The following ZNF609 variants were observed in gnomAD, a reference collection of about 807,000 sequenced individuals.
ZNF609 encodes zinc finger protein 609.
Under a neutral mutation model 109.5 loss-of-function variants are expected in ZNF609, and 11 were observed. The ratio of observed to expected loss-of-function variants is 0.10; its 90% CI spans 0.06 to 0.17. The LOEUF (loss-of-function observed/expected upper bound fraction) is 0.17. Ranked by LOEUF, ZNF609 falls within the 10% of genes least tolerant of loss-of-function variation. The pLI, the probability that ZNF609 is intolerant of heterozygous loss-of-function variation, is 1.00. For missense variants in ZNF609, 1,559 were observed against 1,772.4 expected (o/e 0.88, Z 2.16); for synonymous variants, 646 against 662.0 (o/e 0.98, Z 0.37).
chr15:64,630,098 C>CTT (rs773124227), intron 3 of ZNF609, among the ~76,000 whole-genome samples: 46 of 136,890 alleles, frequency 3.4e-4, no homozygotes, highest in Admixed American at 9.7e-4. Flanking sequence ...TTTCTTTTTT[C>CTT]TTTTTTTTTT....
intron 2 of ZNF609, among the ~76,000 whole-genome samples, chr15:64,606,585 A>G (rs1311894507): frequency 6.7e-6 from 1 of 150,356 alleles, no homozygotes; most frequent in African/African-American, 2.4e-5. Flanking sequence ...AAACAGAAAA[A>G]CTTTTTATAG....
intron 2 of ZNF609, among the ~76,000 whole-genome samples, chr15:64,536,921 A>G (rs1488030310): frequency 3.6e-5 from 5 of 140,192 alleles, no homozygotes; most frequent in South Asian, 2.2e-4. Flanking sequence ...AAAAAGAAAA[A>G]AAAAAAAAAA....
chr15:64,667,219 A>G (rs1896661725), intron 3 of ZNF609, among the ~76,000 whole-genome samples: 1 of 152,242 alleles, frequency 6.6e-6, no homozygotes, highest in Non-Finnish European at 1.5e-5. Context: ...CAGGATTTGC[A>G]CTGAGGTTTT....
chr15:64,529,675 G>A lies in ZNF609; in HGVS notation c.747+29509G>A, dbSNP rs1029468513. On this transcript the variant is annotated intron_variant, in intron 2 of 9. Coordinates refer to ENST00000326648, the MANE Select transcript of ZNF609 (RefSeq NM_015042.2). ...CTCTGACCTTCACCTTACCCATGGTGTCTCAGGGATGCAGCTGCCAATGCG... is the reference window on the plus strand; with the variant it reads ...CTCTGACCTTCACCTTACCCATGGTATCTCAGGGATGCAGCTGCCAATGCG... 7 of 736,278 alleles carry A rather than the reference G, an allele frequency of 9.5e-6. No homozygotes were observed. The Admixed American group carries it at 1.2e-4, about 13-fold the overall frequency. The allele number at this position is 736,278 out of a possible 1,614,324, so 45.6% of individuals were successfully genotyped here. A position where few individuals can be genotyped will look rare whatever the true frequency, so the allele number is the denominator to read the frequency against.
chr15:64,487,128 T>C (rs1893344583), intron 1 of ZNF609, among the ~76,000 whole-genome samples: 1 of 152,176 alleles, frequency 6.6e-6, no homozygotes, highest in African/African-American at 2.4e-5. Context: ...TTTTGATTTG[T>C]TTTTATATCC....
chr15:64,556,167 T>A (rs530160094), intron 2 of ZNF609, among the ~76,000 whole-genome samples: 1,616 of 151,850 alleles, frequency 0.011, 27 homozygotes, highest in African/African-American at 0.037. Flanking sequence ...TTTTTTTTTT[T>A]TTATTATTTG....
rs368567971 is a variant in ZNF609, at chr15:64,593,163, A to G, written c.748-29664A>G. 22 of 1,549,148 alleles carry G rather than the reference A, an allele frequency of 1.4e-5. No individual in the cohort carries two copies. In the African/African-American group the frequency reaches 1.8e-4, roughly 12 times the overall value. On this transcript the variant is annotated intron_variant, in intron 2 of 9. Coordinates refer to ENST00000326648, the MANE Select transcript of ZNF609 (RefSeq NM_015042.2). ...TCTGAAGCGAGCGTCTTCGATGCCT[A>G]TGTGCTTCCCAAGCTGTATGTGAAG...
chr15:64,536,786 C>T (rs1440076026), intron 2 of ZNF609, among the ~76,000 whole-genome samples: 1 of 151,134 alleles, frequency 6.6e-6, no homozygotes, highest in Admixed American at 6.6e-5. Context: ...GTCCCATTTA[C>T]TCAGTGCCAG....
intron 2 of ZNF609, among the ~76,000 whole-genome samples, chr15:64,521,353 G>T (rs967408876): frequency 1.3e-5 from 2 of 152,348 alleles, no homozygotes; most frequent in African/African-American, 4.8e-5. Flanking sequence ...GCCTCTGTAA[G>T]TGGAGGATTG....
At chr15:64,514,501 T>C (rs1893778978) in intron 2 of ZNF609, among the ~76,000 whole-genome samples, 1 of 152,236 alleles carries the variant, frequency 6.6e-6, no homozygotes, top group South Asian at 2.1e-4. Context: ...GTAGCAGAGC[T>C]GTTCTCCTCT....
intron 2 of ZNF609, among the ~76,000 whole-genome samples, chr15:64,526,462 A>G (rs1893969339): frequency 1.3e-5 from 2 of 152,112 alleles, no homozygotes; most frequent in Non-Finnish European, 2.9e-5. Context: ...TAATTTTTCT[A>G]GCTATAACCT....
intron 2 of ZNF609, among the ~76,000 whole-genome samples, chr15:64,584,222 C>A (rs1389961644): frequency 6.6e-6 from 1 of 152,146 alleles, no homozygotes. Flanking sequence ...CTTTGGGAGG[C>A]CGAGGCAGGT....
chr15:64,622,542 CT>C (rs1895892382), intron 2 of ZNF609, among the ~76,000 whole-genome samples: 1 of 152,028 alleles, frequency 6.6e-6, no homozygotes, highest in Non-Finnish European at 1.5e-5. Flanking sequence ...AAAAATAGAA[CT>C]TTTTAAAAAA....
At chr15:64,527,304 A>G (rs978610813) in intron 2 of ZNF609, among the ~76,000 whole-genome samples, 6 of 145,346 alleles carry the variant, frequency 4.1e-5, no homozygotes, top group African/African-American at 1.5e-4. Context: ...TCCATTTCCA[A>G]CGTCTTTTTT....
At chr15:64,635,902 C>T (rs16948148) in intron 3 of ZNF609, among the ~76,000 whole-genome samples, 2,665 of 152,082 alleles carry the variant, frequency 0.018, 28 homozygotes, top group Non-Finnish European at 0.025. Flanking sequence ...GGCTGTTCTC[C>T]ACCTCTTCTG....
intron 2 of ZNF609, among the ~76,000 whole-genome samples, chr15:64,597,402 C>T (rs1895415013): frequency 1.3e-5 from 2 of 152,160 alleles, no homozygotes; most frequent in Non-Finnish European, 2.9e-5. Flanking sequence ...CCTAATCTTT[C>T]TCCTCCTTCT....
intron 2 of ZNF609, among the ~76,000 whole-genome samples, chr15:64,590,429 C>G (rs1200383159): frequency 6.6e-6 from 1 of 151,970 alleles, no homozygotes; most frequent in Non-Finnish European, 1.5e-5. Context: ...TCAAGTGATT[C>G]TACTGCCTCA....
At position 64,561,552 on chromosome 15, in the gene ZNF609, CT is replaced by C. The variant is rs771022478; in HGVS notation, c.748-61257del. Among the ~76,000 whole-genome samples the C allele has an allele frequency of 7.9e-3, 1,032 of 129,846 alleles. 5 individuals are homozygous for C. The highest frequency in any genetic ancestry group is 0.014 in the African/African-American group (503 of 35,788). The allele number at this position is 129,846 out of a possible 152,430, so 85.2% of individuals were successfully genotyped here. A position where few individuals can be genotyped will look rare whatever the true frequency, so the allele number is the denominator to read the frequency against. On this transcript the variant is annotated intron_variant, in intron 2 of 9. Transcript: ENST00000326648. ...TTTTTCTTTCTTTTCTTTTCTTTTT[CT>C]TTTTTTTTTTTTTTTTTAAATGATT... is the stretch of plus-strand genomic sequence containing the variant.
At chr15:64,490,433 C>G (rs1595697526) in intron 1 of ZNF609, among the ~76,000 whole-genome samples, 1 of 152,122 alleles carries the variant, frequency 6.6e-6, no homozygotes, top group Non-Finnish European at 1.5e-5. Flanking sequence ...GTCACCACAC[C>G]TGGCTAGTTT....
Sources: gnomAD v4.1 joint callset for allele counts (sites outside exome capture counted in the v4.1 genomes callset) on GRCh38, gnomAD v4.1.1 for gene constraint, MANE v1.5 for transcripts, NCBI Gene and HGNC (gene_info 2026-07-23, HGNC 2026-07-21) for gene names.